The following RHOBTB2 variants were observed in gnomAD, a reference collection of about 807,000 sequenced individuals.
The protein encoded by RHOBTB2 is rho-related BTB domain-containing protein 2.
In RHOBTB2, 39 loss-of-function variants were observed where a neutral mutation model predicts 66.5. The observed-to-expected ratio is 0.59, with a 90% CI of 0.45 to 0.77. The LOEUF is 0.77. Among genes scored for constraint, RHOBTB2 ranks in the 30% least tolerant of loss-of-function variants. The pLI is 0.00. For missense variants in RHOBTB2, 755 were observed against 999.1 expected, an observed-to-expected ratio of 0.76 and a Z score of 3.29; for synonymous variants, 390 against 395.0, an observed-to-expected ratio of 0.99 and a Z score of 0.15.
chr8:22,986,429 G>C (rs1182773647), upstream of RHOBTB2, among the ~76,000 whole-genome samples: 4 of 151,880 alleles, frequency 2.6e-5, no homozygotes, highest in African/African-American at 9.7e-5. Context: ...ACCATGCCTG[G>C]CTAATTTTTT....
chr8:23,011,146 C>T (rs1245558241), intron 7 of RHOBTB2, among the ~76,000 whole-genome samples: 1 of 152,100 alleles, frequency 6.6e-6, no homozygotes, highest in Non-Finnish European at 1.5e-5. Flanking sequence ...CCCAGCTACT[C>T]GGGAGGCTGA....
At chr8:23,011,395 C>G in intron 7 of RHOBTB2, among the ~76,000 whole-genome samples, 1 of 149,936 alleles carries the variant, frequency 6.7e-6, no homozygotes, top group African/African-American at 2.5e-5. Flanking sequence ...TCTTCCTTTC[C>G]TTTTATTTTT....
intron 1 of RHOBTB2, among the ~76,000 whole-genome samples, chr8:22,990,955 T>G (rs190977422): frequency 6.6e-6 from 1 of 152,258 alleles, no homozygotes; most frequent in Non-Finnish European, 1.5e-5. Context: ...GGTCAGAGGC[T>G]GTGTCGGGGG....
chr8:23,017,389 C>G lies in RHOBTB2; in HGVS notation c.2104C>G (p.Leu702Val), dbSNP rs1351076421. Residue 702 changes from leucine (L) to valine (V), a missense_variant, in exon 10 of 10, where the codon CTC becomes GTC. Physicochemically the swap from Leu to Val is conservative, Grantham distance 32. Coordinates refer to ENST00000251822, the MANE Select transcript of RHOBTB2 (RefSeq NM_015178.3). This position sits in a 1 kb window ranked among gnomAD's most constrained non-coding sequence, Gnocchi z 5.3. ...CAAGCGGCAGCCCAAACGGCGTTGG[C>G]TCTTCTGGAACAGTCCATCCTCCCC... is the stretch of plus-strand genomic sequence containing the variant. ...HLKRQPKRRW[L>V]FWNSPSSPSS... is the part of the protein sequence containing the mutation. 2.5e-6 allele frequency: 4 copies of G among 1,614,134 alleles called. No homozygotes were observed. Among genetic ancestry groups the G allele is most frequent in the Non-Finnish European group, 3.4e-6 (4 of 1,179,994 alleles).
rs1426962641 is a variant in RHOBTB2 at position 23,010,626 on chromosome 8, A to G, written c.1709A>G (p.Asp570Gly). Reference sequence around the variant, plus strand: ...ATGTTCACCTCCAGCCCCGACCTGGATGACATGAAGCTCATCATTCTAGCC... The same window carrying G: ...ATGTTCACCTCCAGCCCCGACCTGGGTGACATGAAGCTCATCATTCTAGCC... ...TGMFTSSPDL[D>G]DMKLIILANR... Residue 570 changes from aspartate to glycine, a missense_variant, in exon 7 of 10, where the codon GAT becomes GGT. Coordinates refer to ENST00000251822, the MANE Select transcript of RHOBTB2 (RefSeq NM_015178.3). 4.3e-6 allele frequency: 7 copies of G among 1,614,058 alleles called. No individual in the cohort carries two copies. The highest frequency in any genetic ancestry group is 2.7e-5 in the African/African-American group (2 of 74,908).
the RHOBTB2 span, chr8:22,978,036 G>C: frequency 6.6e-6 from 1 of 152,044 alleles, no homozygotes; most frequent in African/African-American, 2.4e-5. Flanking sequence ...GTTACCTAAG[G>C]AAGGAAAACT....
At chr8:22,987,155 GAGA>G (rs1242901871), upstream of RHOBTB2, among the ~76,000 whole-genome samples, 2 of 152,266 alleles carry the variant, frequency 1.3e-5, no homozygotes, top group African/African-American at 2.4e-5. Context: ...ACCAGGGGCT[GAGA>G]AGAACAGGCC....
At chr8:22,955,299 C>T in the RHOBTB2 span, among the ~76,000 whole-genome samples, 2 of 152,182 alleles carry the variant, frequency 1.3e-5, no homozygotes, top group Non-Finnish European at 2.9e-5. Flanking sequence ...GCAAATGACT[C>T]CGCACTGCAG....
chr8:22,973,278 G>C, the RHOBTB2 span, among the ~76,000 whole-genome samples: 3 of 152,044 alleles, frequency 2.0e-5, no homozygotes, highest in Admixed American at 6.5e-5. Context: ...GCCCAAGCTG[G>C]AGTGCAGTGG....
chr8:22,962,179 C>CAAAAAAAAAAAAAAAAAAAAAAAA, the RHOBTB2 span, among the ~76,000 whole-genome samples: 5 of 13,834 alleles, frequency 3.6e-4, 2 homozygotes, highest in African/African-American at 5.1e-4. Context: ...AACGAATTTA[C>CAAAAAAAAAAAAAAAAAAAAAAAA]AAAAAAAAAA....
upstream of RHOBTB2, among the ~76,000 whole-genome samples, chr8:22,999,326 G>A (rs1243182175): frequency 6.6e-6 from 1 of 152,176 alleles, no homozygotes; most frequent in Non-Finnish European, 1.5e-5. Flanking sequence ...GTGGGCGTCC[G>A]GAGAGCCTTT....
chr8:22,973,675 T>C, the RHOBTB2 span, among the ~76,000 whole-genome samples: 1 of 152,178 alleles, frequency 6.6e-6, no homozygotes, highest in African/African-American at 2.4e-5. Flanking sequence ...AAATGGGTGA[T>C]GGGAGGGAGG....
At chr8:22,970,837 C>T in the RHOBTB2 span, among the ~76,000 whole-genome samples, 3 of 152,170 alleles carry the variant, frequency 2.0e-5, no homozygotes, top group Admixed American at 2.0e-4. Flanking sequence ...CACAACTCCG[C>T]AGATGGTTGC....
the RHOBTB2 span, among the ~76,000 whole-genome samples, chr8:22,952,214 G>A: frequency 2.0e-5 from 3 of 152,056 alleles, no homozygotes; most frequent in Admixed American, 6.6e-5. Context: ...CCCACCTGGC[G>A]AGTATCTTGA....
At chr8:22,997,456 C>T (rs993694169), upstream of RHOBTB2, among the ~76,000 whole-genome samples, 5 of 151,980 alleles carry the variant, frequency 3.3e-5, no homozygotes, top group South Asian at 2.1e-4. Flanking sequence ...CGGGGCGGGG[C>T]GGGGGCTGTG....
chr8:22,984,074 C>T (rs1810254214), upstream of RHOBTB2, among the ~76,000 whole-genome samples: 1 of 152,042 alleles, frequency 6.6e-6, no homozygotes, highest in Non-Finnish European at 1.5e-5. Flanking sequence ...ATGAAGCCAC[C>T]ACAGCTATTC....
the RHOBTB2 span, among the ~76,000 whole-genome samples, chr8:22,977,629 T>C: frequency 5.3e-5 from 8 of 150,572 alleles, no homozygotes; most frequent in Admixed American, 1.3e-4. Flanking sequence ...CCTTGATCAC[T>C]GAGAACACCT....
At chr8:22,977,895 G>A in the RHOBTB2 span, 18 of 151,998 alleles carry the variant, frequency 1.2e-4, no homozygotes, top group South Asian at 2.1e-3. Context: ...TGGTGGCTCA[G>A]GCATGTAGTC....
rs1215059455 is a variant in RHOBTB2, at chr8:23,005,387, C to T, written c.208C>T (p.Arg70Ter). ...CCGTCCCCAGGTGCTGGAACGCTCC[C>T]GAGACGTGGTAGATGATGTCAGCGT... ...RVCQEVLERS[R>*]DVVDDVSVSL... is the part of the protein sequence containing the mutation. Residue 70 changes from arginine to a stop codon, truncating the protein, a stop_gained, in exon 3 of 10, where the codon CGA becomes TGA. Coordinates refer to ENST00000251822, the MANE Select transcript of RHOBTB2 (RefSeq NM_015178.3). LOFTEE classifies it high-confidence loss of function. 4 of 1,613,580 alleles carry T rather than the reference C, an allele frequency of 2.5e-6. No homozygotes were observed. Among genetic ancestry groups the T allele is most frequent in the South Asian group, 1.1e-5 (1 of 91,042 alleles).
Sources: gnomAD v4.1 joint callset for allele counts (sites outside exome capture counted in the v4.1 genomes callset) on GRCh38, gnomAD v4.1.1 for gene constraint, Gnocchi (gnomAD v3.1) non-coding constraint, MANE v1.5 for transcripts, NCBI Gene and HGNC (gene_info 2026-07-23, HGNC 2026-07-21) for gene names.